The following ELP1 variants were observed in gnomAD, a reference collection of about 807,000 sequenced individuals.
ELP1 encodes elongator complex protein 1.
Under a neutral mutation model 183.2 loss-of-function variants are expected in ELP1, and 131 were observed. That is an observed-to-expected ratio of 0.72 (90% confidence interval 0.62 to 0.83). The LOEUF is 0.83. Ranked by LOEUF, ELP1 falls within the 40% of genes least tolerant of loss-of-function variation. The pLI is 0.00. For missense variants in ELP1, 1,550 were observed against 1,594.9 expected, an observed-to-expected ratio of 0.97 and a Z score of 0.48; for synonymous variants, 555 against 569.0, an observed-to-expected ratio of 0.98 and a Z score of 0.35.
Position 108,898,729 on chromosome 9 carries a change from A to T in ELP1, c.2225T>A (p.Phe742Tyr), listed in dbSNP as rs772250912. 2 of 1,611,760 alleles carry T rather than the reference A, an allele frequency of 1.2e-6. No homozygotes were observed. The highest frequency in any genetic ancestry group is 1.7e-6 in the Non-Finnish European group (2 of 1,178,536). ...WLDKLMFKEA[F>Y]ECMRKLRINL... ...GATTCTCAGCTTTCTCATGCATTCA[A>T]ATGCCTCTTTAAACATAAGTCTGTG... The change falls in exon 21 of 37, where the codon TTT (phenylalanine) becomes TAT (tyrosine). Residue 742 changes from phenylalanine (F) to tyrosine (Y), a missense_variant. Transcript: ENST00000374647.
intron 27 of ELP1, 52 bp downstream of exon 27, chr9:108,892,934 T>C: frequency 1.6e-6 from 2 of 1,275,810 alleles, no homozygotes; most frequent in Non-Finnish European, 1.1e-6. Context: ...ACTCCTTTCC[T>C]ACTAAAGCAA....
At position 108,878,724 on chromosome 9, in the gene ELP1, G is replaced by A. The variant is rs776976107; in HGVS notation, c.3599C>T (p.Ala1200Val). 2.5e-5 allele frequency: 41 copies of A among 1,614,012 alleles called. No individual in the cohort carries two copies. The highest frequency in any genetic ancestry group is 8.9e-5 in the East Asian group (4 of 44,892). Reference sequence around the variant, plus strand: ...TTTGAGGCTGTGCTTCTTCCGCTCCGCTTTTCGGCGATTCTTGGATGATCT... The same window carrying A: ...TTTGAGGCTGTGCTTCTTCCGCTCCACTTTTCGGCGATTCTTGGATGATCT... ...SARSSKNRRK[A>V]ERKKHSLKEG... The change falls in exon 34 of 37, where the codon GCG (alanine) becomes GTG (valine). Residue 1200 changes from alanine to valine, a missense_variant. Coordinates refer to ENST00000374647, the MANE Select transcript of ELP1 (RefSeq NM_003640.5).
At chr9:108,926,804 T>A (rs556653873) in intron 4 of ELP1, among the ~76,000 whole-genome samples, 1 of 152,306 alleles carries the variant, frequency 6.6e-6, no homozygotes, top group African/African-American at 2.4e-5. Flanking sequence ...CTGGTGCTTA[T>A]GCTCAGCTAT....
At chr9:108,912,227 C>T in intron 11 of ELP1, 37 bp downstream of exon 11, 1 of 1,506,184 alleles carries the variant, frequency 6.6e-7, no homozygotes, top group Non-Finnish European at 9.2e-7. Context: ...GCTCAGGACC[C>T]CTTGCAGGCT....
rs114684465 is a variant in ELP1, at chr9:108,933,170, G to T, written c.-56+694C>A. Among the ~76,000 whole-genome samples, 320 of 152,286 alleles carry T rather than the reference G, an allele frequency of 2.1e-3. 3 individuals carry two copies. The highest frequency in any genetic ancestry group is 7.1e-3 in the African/African-American group (295 of 41,564). ...ATGCGACCTGGAAAGCAAAGAACTT[G>T]CTATTCTTCCCCCAAATGACAGTTC... is the stretch of plus-strand genomic sequence containing the variant. On this transcript the variant is annotated intron_variant, in intron 1 of 36. Transcript: ENST00000374647.
intron 6 of ELP1, among the ~76,000 whole-genome samples, chr9:108,921,119 T>G (rs1412153046): frequency 6.6e-6 from 1 of 152,216 alleles, no homozygotes; most frequent in Admixed American, 6.5e-5. Flanking sequence ...TTGGGATTTT[T>G]TTTTGGTTGT....
intron 20 of ELP1, among the ~76,000 whole-genome samples, chr9:108,899,408 A>G (rs915324633): frequency 6.6e-6 from 1 of 152,212 alleles, no homozygotes; most frequent in African/African-American, 2.4e-5. Context: ...TCAGAAAATC[A>G]GTCATTTCCT....
In ELP1 at chr9:108,893,958, G is replaced by A. The variant is rs201440191; in HGVS notation, c.2845C>T (p.His949Tyr). The A allele has an allele frequency of 3.8e-5, 62 of 1,613,696 alleles. No homozygotes were observed. The Admixed American group carries it at 1.0e-3, about 27-fold the overall frequency. ...CCACACTTACCACATTTGCTGAGGT[G>A]GCCAATGGCTTTTTCATATCGTTTC... ...YLKRYEKAIG[H>Y]LSKCGPEYFP... The change falls in exon 26 of 37, where the codon CAC becomes TAC. Residue 949 changes from histidine (H) to tyrosine (Y), a missense_variant. Transcript: ENST00000374647.
At chr9:108,931,454 A>G (rs1461871422) in intron 1 of ELP1, among the ~76,000 whole-genome samples, 1 of 152,192 alleles carries the variant, frequency 6.6e-6, no homozygotes, top group Non-Finnish European at 1.5e-5. Context: ...CAACTTTAGA[A>G]TGTTTTCTTC....
chr9:108,868,818 A>G lies in ELP1; in HGVS notation c.*297T>C. ...TTGGAGGTAGAAATCATGAAACATT[A>G]ATCTCATGATTACCATAATTATGCT... On this transcript the variant is annotated 3_prime_UTR_variant, in exon 37 of 37. Coordinates refer to ENST00000374647, the MANE Select transcript of ELP1 (RefSeq NM_003640.5). 1.7e-6 allele frequency: 1 copy of G among 584,252 alleles called. No individual in the cohort carries two copies. The highest frequency in any genetic ancestry group is 2.2e-5 in the South Asian group (1 of 44,724). 36.2% of individuals were successfully genotyped at this position (584,252 alleles called of 1,614,324 possible).
chr9:108,883,036 A>T (rs1827991154), intron 29 of ELP1, among the ~76,000 whole-genome samples: 1 of 152,226 alleles, frequency 6.6e-6, no homozygotes, highest in Non-Finnish European at 1.5e-5. Flanking sequence ...CTTGATACAC[A>T]AAAGTTCTTA....
At chr9:108,903,346 G>A (rs1828885682) in intron 15 of ELP1, among the ~76,000 whole-genome samples, 1 of 151,974 alleles carries the variant, frequency 6.6e-6, no homozygotes, top group South Asian at 2.1e-4. Flanking sequence ...TTGTCCCTGC[G>A]ATAGTCATCA....
chr9:108,894,065 T>A lies in ELP1; in HGVS notation c.2738A>T (p.Asp913Val), dbSNP rs1358495520. 6.8e-7 allele frequency: 1 copy of A among 1,473,618 alleles called. No individual in the cohort carries two copies. Among genetic ancestry groups the A allele is most frequent in the Non-Finnish European group, 9.5e-7 (1 of 1,057,260 alleles). The allele number at this position is 1,473,618 out of a possible 1,614,324, so 91.3% of individuals were successfully genotyped here. A position where few individuals can be genotyped will look rare whatever the true frequency, so the allele number is the denominator to read the frequency against. Residue 913 changes from aspartate to valine, a missense_variant and splice_region_variant, in exon 26 of 37, where the codon GAT becomes GTT. Coordinates refer to ENST00000374647, the MANE Select transcript of ELP1 (RefSeq NM_003640.5). ...AAGAAATGGAAGATATTCTTTGGGA[T>A]CCTAAAAAAATGATTAATGAGAACT... ...VLMVAEKSQK[D>V]PKEYLPFLNT...
chr9:108,880,310 A>T, intron 31 of ELP1, 145 bp from the exon 32 acceptor site: 1 of 667,508 alleles, frequency 1.5e-6, no homozygotes, highest in Non-Finnish European at 2.7e-6. Flanking sequence ...TTTCCTTAAT[A>T]AGCATTAACA....
At chr9:108,909,581 TG>T (rs1280122694) in intron 12 of ELP1, among the ~76,000 whole-genome samples, 1 of 152,180 alleles carries the variant, frequency 6.6e-6, no homozygotes, top group African/African-American at 2.4e-5. Flanking sequence ...CTCTCCCCAG[TG>T]GGTTCTTTAA....
intron 10 of ELP1, among the ~76,000 whole-genome samples, chr9:108,912,921 A>C (rs968654065): frequency 1.4e-5 from 2 of 145,100 alleles, no homozygotes; most frequent in African/African-American, 5.1e-5. Context: ...CACCCGGCTA[A>C]TTTTTTTTTT....
At chr9:108,879,384 TG>T in intron 33 of ELP1, 61 bp downstream of exon 33, 1 of 1,242,602 alleles carries the variant, frequency 8.0e-7, no homozygotes. Flanking sequence ...CCAATCTATT[TG>T]CTTCCACTTT....
chr9:108,930,036 AT>A, intron 2 of ELP1, 115 bp from the exon 3 acceptor site: 1 of 1,244,920 alleles, frequency 8.0e-7, no homozygotes, highest in Non-Finnish European at 1.1e-6. Context: ...TTTCAAAAAT[AT>A]TTTTTCTAGA....
intron 29 of ELP1, 49 bp downstream of exon 29, chr9:108,889,283 A>C: frequency 2.0e-6 from 3 of 1,481,952 alleles, no homozygotes; most frequent in Admixed American, 1.7e-5. Flanking sequence ...ACAATTGAGA[A>C]GACCTTTCTT....
Sources: allele counts gnomAD v4.1 joint callset (sites outside exome capture counted in the v4.1 genomes callset), GRCh38; gene constraint gnomAD v4.1.1; transcripts MANE v1.5; gene names NCBI Gene and HGNC (gene_info 2026-07-23, HGNC 2026-07-21).